The following LGR6 variants were observed in gnomAD, a reference collection of about 807,000 sequenced individuals.
The protein encoded by LGR6 is leucine rich repeat containing G protein-coupled receptor 6, also known as leucine-rich repeat-containing G protein-coupled receptor 6.
Under a neutral mutation model 69.4 loss-of-function variants are expected in LGR6, and 45 were observed. That is an observed-to-expected ratio of 0.65 (90% confidence interval 0.51 to 0.83). The LOEUF is 0.83. Among genes scored for constraint, LGR6 ranks in the 40% least tolerant of loss-of-function variants. The pLI is 0.00. For missense variants in LGR6, 1,108 were observed against 1,246.7 expected (o/e 0.89, Z 1.68); for synonymous variants, 538 against 555.0 (o/e 0.97, Z 0.43).
At position 202,310,197 on chromosome 1, in the gene LGR6, G is replaced by C. The variant is rs141213868; in HGVS notation, c.1407G>C (p.Arg469Ser). 3 of 1,613,594 alleles carry C rather than the reference G, an allele frequency of 1.9e-6. No homozygotes were observed. The highest frequency in any genetic ancestry group is 1.3e-5 in the African/African-American group (1 of 74,878). The change falls in exon 16 of 18, where the codon AGG becomes AGC. Residue 469 changes from arginine (R) to serine (S), a missense_variant and splice_region_variant. Physicochemically the swap from Arg to Ser is moderately radical, Grantham distance 110 (BLOSUM62 -1). Coordinates refer to ENST00000367278, the MANE Select transcript of LGR6 (RefSeq NM_001017403.2). ...AATCAGCCTGCCTCTCCCCCACCAG[G>C]ATCCTGGAGGTGCCTTATGCCTACC... is the stretch of plus-strand genomic sequence containing the variant. Reference protein sequence around the residue: ...AFSKDSFPKLRILEVPYAYQC... With the variant: ...AFSKDSFPKLSILEVPYAYQC...
At chr1:202,203,424 C>A (rs1658906078) in intron 1 of LGR6, among the ~76,000 whole-genome samples, 1 of 152,216 alleles carries the variant, frequency 6.6e-6, no homozygotes, top group Non-Finnish European at 1.5e-5. Flanking sequence ...CATCAGCACA[C>A]TGTGTGGATT....
intron 11 of LGR6, 56 bp downstream of exon 11, chr1:202,304,686 C>A: frequency 1.5e-6 from 2 of 1,353,632 alleles, no homozygotes; most frequent in Non-Finnish European, 2.1e-6. Flanking sequence ...CCCCATGTCC[C>A]ACAAAAGGCC....
intron 1 of LGR6, among the ~76,000 whole-genome samples, chr1:202,199,690 G>A (rs1270610907): frequency 1.3e-5 from 2 of 152,044 alleles, no homozygotes; most frequent in Admixed American, 1.3e-4. Flanking sequence ...ACAGGGCACA[G>A]AAGGTATCCC....
At chr1:202,269,173 T>C (rs1664903725) in intron 4 of LGR6, among the ~76,000 whole-genome samples, 1 of 152,160 alleles carries the variant, frequency 6.6e-6, no homozygotes, top group South Asian at 2.1e-4. Context: ...CCCAAAGTGC[T>C]GGGATTATAG....
chr1:202,210,510 A>T (rs1057104526), intron 1 of LGR6, among the ~76,000 whole-genome samples: 9 of 151,562 alleles, frequency 5.9e-5, no homozygotes, highest in African/African-American at 2.2e-4. Flanking sequence ...CCCTCTTCAG[A>T]CCTGGTAGTA....
At chr1:202,256,355 C>T (rs1227052535) in intron 4 of LGR6, among the ~76,000 whole-genome samples, 3 of 151,922 alleles carry the variant, frequency 2.0e-5, no homozygotes, top group South Asian at 2.1e-4. Context: ...GCGATTCTCC[C>T]GCCTCAGCCT....
intron 17 of LGR6, among the ~76,000 whole-genome samples, chr1:202,316,690 T>C (rs1330946083): frequency 6.6e-6 from 1 of 152,248 alleles, no homozygotes; most frequent in Non-Finnish European, 1.5e-5. Context: ...TTTCATGTTA[T>C]ATTTTCAAAT....
intron 1 of LGR6, among the ~76,000 whole-genome samples, chr1:202,220,857 A>T (rs1010935786): frequency 6.6e-6 from 1 of 152,064 alleles, no homozygotes; most frequent in African/African-American, 2.4e-5. Context: ...AGACACACAC[A>T]CACACACAAA....
At chr1:202,287,043 G>T (rs1010861598) in intron 6 of LGR6, among the ~76,000 whole-genome samples, 4 of 152,168 alleles carry the variant, frequency 2.6e-5, no homozygotes, top group African/African-American at 9.7e-5. Context: ...GAGAGGTTAA[G>T]GGGGGTGGGA....
At chr1:202,293,347 T>C (rs904832959) in intron 6 of LGR6, among the ~76,000 whole-genome samples, 3 of 152,252 alleles carry the variant, frequency 2.0e-5, no homozygotes, top group South Asian at 2.1e-4. Flanking sequence ...ATCTTGCTGT[T>C]CTATGACACA....
chr1:202,280,055 T>A (rs1214043473), intron 5 of LGR6, among the ~76,000 whole-genome samples: 2 of 152,266 alleles, frequency 1.3e-5, no homozygotes, highest in African/African-American at 4.8e-5. Flanking sequence ...GTCTTTTGCA[T>A]CCTCTTTCTT....
intron 4 of LGR6, among the ~76,000 whole-genome samples, chr1:202,260,825 T>C (rs1664171682): frequency 6.6e-6 from 1 of 152,238 alleles, no homozygotes; most frequent in Non-Finnish European, 1.5e-5. Flanking sequence ...TCTATTTTTC[T>C]CAGAATCCTG....
chr1:202,276,477 C>T lies in LGR6; in HGVS notation c.600C>T (p.His200=). 3 of 1,614,232 alleles carry T rather than the reference C, an allele frequency of 1.9e-6. No individual in the cohort carries two copies. Among genetic ancestry groups the T allele is most frequent in the Non-Finnish European group, 2.5e-6 (3 of 1,180,040 alleles). Reference sequence around the variant, plus strand: ...CCCTGGCCCTCAACCGCATCAGCCACATCCCCGACTACGCGTTCCAGAATC... The same window carrying T: ...CCCTGGCCCTCAACCGCATCAGCCATATCCCCGACTACGCGTTCCAGAATC... The part of the protein sequence containing the change: ...AMTLALNRIS[H]IPDYAFQNLT... Residue 200 remains histidine (H), a synonymous_variant, in exon 5 of 18, where the codon CAC becomes CAT. Coordinates refer to ENST00000367278, the MANE Select transcript of LGR6 (RefSeq NM_001017403.2).
At chr1:202,269,908 G>A (rs935471937) in intron 4 of LGR6, among the ~76,000 whole-genome samples, 4 of 152,204 alleles carry the variant, frequency 2.6e-5, no homozygotes, top group East Asian at 1.9e-4. Flanking sequence ...AGCTTTGCAC[G>A]AGTGATTGCT....
At chr1:202,242,902 T>C (rs770652113) in intron 4 of LGR6, among the ~76,000 whole-genome samples, 20 of 152,220 alleles carry the variant, frequency 1.3e-4, no homozygotes, top group Non-Finnish European at 2.6e-4. Flanking sequence ...TGGCTAGCAC[T>C]TTCCATGTGC....
chr1:202,278,307 G>A (rs1317390632), intron 5 of LGR6, among the ~76,000 whole-genome samples: 1 of 152,070 alleles, frequency 6.6e-6, no homozygotes, highest in East Asian at 1.9e-4. Context: ...CTGATTGAGA[G>A]ATTTTCAGAG....
At chr1:202,200,483 T>A (rs186171745) in intron 1 of LGR6, among the ~76,000 whole-genome samples, 19 of 152,272 alleles carry the variant, frequency 1.2e-4, no homozygotes, top group African/African-American at 4.3e-4. Context: ...TGAGTCACTA[T>A]TGGGAGCAGG....
At chr1:202,228,427 C>G (rs1660740957) in intron 3 of LGR6, among the ~76,000 whole-genome samples, 1 of 152,182 alleles carries the variant, frequency 6.6e-6, no homozygotes, top group Non-Finnish European at 1.5e-5. Context: ...TGCAACCCAA[C>G]CTTTGTCTCT....
chr1:202,245,934 GCATC>G (rs937493245), intron 4 of LGR6, among the ~76,000 whole-genome samples: 6 of 151,202 alleles, frequency 4.0e-5, no homozygotes, highest in East Asian at 2.0e-4. Context: ...ATCCATCCAT[GCATC>G]CATCCATCCA....
Sources: gnomAD v4.1 joint callset for allele counts (sites outside exome capture counted in the v4.1 genomes callset) on GRCh38, gnomAD v4.1.1 for gene constraint, MANE v1.5 for transcripts, NCBI Gene and HGNC (gene_info 2026-07-23, HGNC 2026-07-21) for gene names.